The following FURIN variants were observed in gnomAD, a reference collection of about 807,000 sequenced individuals.
FURIN encodes the protein furin, paired basic amino acid cleaving enzyme.
Under a neutral mutation model 89.2 loss-of-function variants are expected in FURIN, and 18 were observed. The ratio of observed to expected loss-of-function variants is 0.20; its 90% CI spans 0.14 to 0.30. The LOEUF is 0.30. FURIN is among the 10% of genes least tolerant of loss of function. The pLI, the probability that FURIN is intolerant of heterozygous loss-of-function variation, is 1.00. For missense variants in FURIN, 879 were observed against 1,100.5 expected (o/e 0.80, Z 2.85); for synonymous variants, 508 against 466.4 (o/e 1.09, Z -1.15).
At position 90,875,615 on chromosome 15, in the gene FURIN, G is replaced by A. The variant is rs879222130; in HGVS notation, c.-126G>A. ...CTCTTCACCCTCCCGAGCCCTGCCC[G>A]TCTCGGCCCCATGCCCCCACCAGTC... On this transcript the variant is annotated 5_prime_UTR_variant, in exon 2 of 16. Transcript: ENST00000268171. 11 of 780,344 alleles carry A rather than the reference G, an allele frequency of 1.4e-5. No individual in the cohort carries two copies. Among genetic ancestry groups the A allele is most frequent in the South Asian group, 1.9e-5 (1 of 52,248 alleles). 48.3% of individuals were successfully genotyped at this position (780,344 alleles called of 1,614,324 possible). A position where few individuals can be genotyped will look rare whatever the true frequency, so the allele number is the denominator to read the frequency against.
At position 90,878,145 on chromosome 15, in the gene FURIN, G is replaced by A. The variant is rs754340070; in HGVS notation, c.681G>A (p.Leu227=). ...CTTCACGGCCAGGGGTGCGCATGCT[G>A]GATGGCGAGGTGACAGATGCAGTGG... ...YNARIGGVRM[L]DGEVTDAVEA... is the part of the protein sequence containing the mutation. The change falls in exon 8 of 16, where the codon CTG becomes CTA. Residue 227 remains leucine, a synonymous_variant. Transcript: ENST00000268171. 3.7e-6 allele frequency: 6 copies of A among 1,613,726 alleles called. No homozygotes were observed. In the East Asian group the frequency reaches 6.7e-5, roughly 18 times the overall value.
chr15:90,871,680 G>T (rs1396031888), intron 1 of FURIN: 1 of 148,884 alleles, frequency 6.7e-6, no homozygotes, highest in Non-Finnish European at 1.5e-5. Flanking sequence ...AGGGGAGCCG[G>T]CCGGGCCGGG....
At position 90,878,190 on chromosome 15, in the gene FURIN, G is replaced by C. The variant is rs1567083667; in HGVS notation, c.726G>C (p.Leu242=). 6.2e-7 allele frequency: 1 copy of C among 1,613,846 alleles called. No homozygotes were observed. The highest frequency in any genetic ancestry group is 8.5e-7 in the Non-Finnish European group (1 of 1,180,020). Residue 242 remains leucine (L), a synonymous_variant, in exon 8 of 16, where the codon CTG becomes CTC. Transcript: ENST00000268171. ...TDAVEARSLG[L]NPNHIHIYSA... Reference sequence around the variant, plus strand: ...CAGTGGAGGCACGCTCGCTGGGCCTGAACCCCAACCACATCCACATCTACA... The same window carrying C: ...CAGTGGAGGCACGCTCGCTGGGCCTCAACCCCAACCACATCCACATCTACA...
In FURIN at chr15:90,879,877, A is replaced by G. The variant is rs1186165624; in HGVS notation, c.1269A>G (p.Ser423=). Reference sequence around the variant, plus strand: ...TCCCTGTCCCCACAGTGAGCCACTCATATGGCTACGGGCTTTTGGACGCAG... The same window carrying G: ...TCCCTGTCCCCACAGTGAGCCACTCGTATGGCTACGGGCTTTTGGACGCAG... ...TNGVGRKVSH[S]YGYGLLDAGA... is the part of the protein sequence containing the mutation. The change falls in exon 12 of 16, where the codon TCA becomes TCG. Residue 423 remains serine (S), a synonymous_variant. Transcript: ENST00000268171. 7 of 1,612,728 alleles carry G rather than the reference A, an allele frequency of 4.3e-6. No individual in the cohort carries two copies. In the South Asian group the frequency reaches 7.7e-5, roughly 18 times the overall value.
At position 90,880,213 on chromosome 15, in the gene FURIN, G is replaced by T. The variant is rs1260726781; in HGVS notation, c.1496G>T (p.Gly499Val). The change falls in exon 13 of 16, where the codon GGC (glycine) becomes GTC (valine). Residue 499 changes from glycine (G) to valine (V), a missense_variant. Gly to Val is a moderately radical substitution (Grantham distance 109). This residue lies in a region of FURIN where 457 missense variants were observed against 490.7 expected (regional missense o/e 0.93). Coordinates refer to ENST00000268171, the MANE Select transcript of FURIN (RefSeq NM_002569.4). ...ARLTLSYNRR[G>V]DLAIHLVSPM... ...CTCACCCTGTCCTATAATCGCCGTG[G>T]CGACCTGGCCATCCACCTGGTCAGC... 6.2e-7 allele frequency: 1 copy of T among 1,612,468 alleles called. No homozygotes were observed. Among genetic ancestry groups the T allele is most frequent in the Non-Finnish European group, 8.5e-7 (1 of 1,179,622 alleles).
chr15:90,873,363 G>T (rs1247702131), intron 1 of FURIN, among the ~76,000 whole-genome samples: 1 of 152,164 alleles, frequency 6.6e-6, no homozygotes, highest in African/African-American at 2.4e-5. Flanking sequence ...TAAATAGTTG[G>T]TTAATCACTT....
In FURIN at chr15:90,878,037, C is replaced by T. The variant is rs570093780; in HGVS notation, c.668-95C>T. 5.0e-5 allele frequency: 61 copies of T among 1,212,216 alleles called. No homozygotes were observed. In the African/African-American group the frequency reaches 7.4e-4, roughly 15 times the overall value. The allele number at this position is 1,212,216 out of a possible 1,614,324, so 75.1% of individuals were successfully genotyped here. On this transcript the variant is annotated intron_variant, in intron 7 of 15. Coordinates refer to ENST00000268171, the MANE Select transcript of FURIN (RefSeq NM_002569.4). Reference sequence around the variant, plus strand: ...AGCCTCCACCCTTCCCTTACTCATCCCCTGGGGTGCAGGGCTGGGTGTGCT... The same window carrying T: ...AGCCTCCACCCTTCCCTTACTCATCTCCTGGGGTGCAGGGCTGGGTGTGCT...
At position 90,876,673 on chromosome 15, in the gene FURIN, C is replaced by T; in HGVS notation, c.372+116C>T. ...CCTCCTCTGATTCGTTTCCTTTCCT[C>T]CTGCTGGGCAGTCTCTCCTTGGCCC... On this transcript the variant is annotated intron_variant, in intron 4 of 15. Transcript: ENST00000268171. This position sits in a 1 kb window ranked among gnomAD's most constrained non-coding sequence, Gnocchi z 5.0. The T allele has an allele frequency of 1.2e-6, 1 of 843,570 alleles. No homozygotes were observed. Among genetic ancestry groups the T allele is most frequent in the Non-Finnish European group, 2.0e-6 (1 of 507,210 alleles). 52.3% of individuals were successfully genotyped at this position (843,570 alleles called of 1,614,324 possible).
chr15:90,874,826 G>T (rs747459199), intron 1 of FURIN, among the ~76,000 whole-genome samples: 19 of 152,102 alleles, frequency 1.2e-4, no homozygotes, highest in African/African-American at 3.4e-4. Flanking sequence ...ATTTTTTAGC[G>T]TGTGTATCCT....
At position 90,877,182 on chromosome 15, in the gene FURIN, G is replaced by A. The variant is rs61752828; in HGVS notation, c.549G>A (p.Gln183=). The A allele has an allele frequency of 1.6e-4, 264 of 1,611,734 alleles. 1 individual carries two copies. In the Middle Eastern group the frequency reaches 9.1e-3, roughly 56 times the overall value. The change falls in exon 6 of 16, where the codon CAG becomes CAA. Residue 183 remains glutamine (Q), a synonymous_variant. Transcript: ENST00000268171. ...FDVNDQDPDP[Q]PRYTQMNDNR... ...TCAATGACCAGGACCCTGACCCCCA[G>A]CCTCGGTACACACAGATGAATGACA...
intron 1 of FURIN, among the ~76,000 whole-genome samples, chr15:90,875,279 C>G (rs2031548291): frequency 1.3e-5 from 2 of 152,172 alleles, no homozygotes; most frequent in South Asian, 4.1e-4. Flanking sequence ...AGGTGATCCA[C>G]CCGCCTCAGC....
At position 90,882,065 on chromosome 15, in the gene FURIN, G is replaced by T; in HGVS notation, c.*187G>T. The stretch of plus-strand genomic sequence containing the variant: ...GTGGGCCCAGGACCAGCTGGGGCGT[G>T]GGGAGGGCCGTACCCCACCCTCAGC... On this transcript the variant is annotated 3_prime_UTR_variant, in exon 16 of 16. Transcript: ENST00000268171. 1 of 587,624 alleles carries T rather than the reference G, an allele frequency of 1.7e-6. No individual in the cohort carries two copies. The highest frequency in any genetic ancestry group is 3.0e-6 in the Non-Finnish European group (1 of 329,190). The allele number at this position is 587,624 out of a possible 1,614,324, so 36.4% of individuals were successfully genotyped here.
At position 90,881,763 on chromosome 15, in the gene FURIN, T is replaced by A. The variant is rs770357260; in HGVS notation, c.2270T>A (p.Ile757Asn). ...VKVYTMDRGL[I>N]SYKGLPPEAW... ...GTGTACACCATGGACCGTGGCCTCATCTCCTACAAGGGGCTGCCCCCTGAA... is the reference window on the plus strand; with the variant it reads ...GTGTACACCATGGACCGTGGCCTCAACTCCTACAAGGGGCTGCCCCCTGAA... The change falls in exon 16 of 16, where the codon ATC becomes AAC. Residue 757 changes from isoleucine (I) to asparagine (N), a missense_variant. Around this residue, in one of 5 missense-constraint regions of FURIN, gnomAD observed 457 missense variants for 490.7 expected, o/e 0.93. Coordinates refer to ENST00000268171, the MANE Select transcript of FURIN (RefSeq NM_002569.4). This position sits in a 1 kb window ranked among gnomAD's most constrained non-coding sequence, Gnocchi z 4.3. 6.2e-7 allele frequency: 1 copy of A among 1,612,172 alleles called. No homozygotes were observed. The highest frequency in any genetic ancestry group is 8.5e-7 in the Non-Finnish European group (1 of 1,179,160).
rs1400992977 is a variant in FURIN, at chr15:90,882,204, T to C, written c.*326T>C. The C allele has an allele frequency of 6.0e-6, 2 of 335,344 alleles. No individual in the cohort carries two copies. The highest frequency in any genetic ancestry group is 7.8e-5 in the East Asian group (1 of 12,748). 20.8% of individuals were successfully genotyped at this position (335,344 alleles called of 1,614,324 possible). The stretch of plus-strand genomic sequence containing the variant: ...GGCAGCCCTTGCTTGTTGGGATTCC[T>C]GACCCAGGCCGCAGCTCTTGCCCTT... On this transcript the variant is annotated 3_prime_UTR_variant, in exon 16 of 16. Coordinates refer to ENST00000268171, the MANE Select transcript of FURIN (RefSeq NM_002569.4).
At position 90,878,880 on chromosome 15, in the gene FURIN, C is replaced by A; in HGVS notation, c.957C>A (p.Ser319Arg). 1 of 1,612,734 alleles carries A rather than the reference C, an allele frequency of 6.2e-7. No individual in the cohort carries two copies. Among genetic ancestry groups the A allele is most frequent in the Non-Finnish European group, 8.5e-7 (1 of 1,179,490 alleles). The change falls in exon 9 of 16, where the codon AGC becomes AGA. Residue 319 changes from serine to arginine, a missense_variant. Transcript: ENST00000268171. ...TNSIYTLSIS[S>R]ATQFGNVPWY... ...GTATCTACACGCTGTCCATCAGCAG[C>A]GCCACGCAGTTTGGCAACGTGCCGT...
At chr15:90,872,177 T>G (rs2031351773) in intron 1 of FURIN, among the ~76,000 whole-genome samples, 1 of 151,376 alleles carries the variant, frequency 6.6e-6, no homozygotes. Flanking sequence ...CGCACACCTG[T>G]GCGGCCAGGA....
At chr15:90,879,073 T>A in intron 9 of FURIN, 97 bp downstream of exon 9, 1 of 776,932 alleles carries the variant, frequency 1.3e-6, no homozygotes, top group Non-Finnish European at 2.1e-6. Context: ...CACCCCCATG[T>A]GGCTGGGTGA....
Position 90,880,834 on chromosome 15 carries a change from G to A in FURIN, c.1681+19G>A. 1.9e-6 allele frequency: 3 copies of A among 1,612,122 alleles called. No individual in the cohort carries two copies. The highest frequency in any genetic ancestry group is 2.5e-6 in the Non-Finnish European group (3 of 1,178,598). ...AACTATGGTACTGGGGGCACTTGAGGGGTAGGGGTACGAGGTGGAGGGCTG... is the reference window on the plus strand; with the variant it reads ...AACTATGGTACTGGGGGCACTTGAGAGGTAGGGGTACGAGGTGGAGGGCTG... On this transcript the variant is annotated intron_variant, in intron 14 of 15. Transcript: ENST00000268171.
chr15:90,875,644 C>T lies in FURIN; in HGVS notation c.-97C>T, dbSNP rs1818876104. ...CGGCCCCATGCCCCCACCAGTCAGC[C>T]CCGGGCCACAGGCAGTGAGCAGGCA... On this transcript the variant is annotated 5_prime_UTR_variant, in exon 2 of 16. Coordinates refer to ENST00000268171, the MANE Select transcript of FURIN (RefSeq NM_002569.4). The T allele has an allele frequency of 4.4e-6, 5 of 1,144,390 alleles. 1 individual carries two copies. The South Asian group carries it at 7.9e-5, about 18-fold the overall frequency. The allele number at this position is 1,144,390 out of a possible 1,614,324, so 70.9% of individuals were successfully genotyped here. A position where few individuals can be genotyped will look rare whatever the true frequency, so the allele number is the denominator to read the frequency against.
Sources: allele counts gnomAD v4.1 joint callset (sites outside exome capture counted in the v4.1 genomes callset), GRCh38; gene constraint gnomAD v4.1.1; regional missense constraint gnomAD v4.1.1; non-coding constraint Gnocchi (gnomAD v3.1); transcripts MANE v1.5; gene names NCBI Gene and HGNC (gene_info 2026-07-23, HGNC 2026-07-21).